USH2A: variants seen among roughly 807,000 people sequenced by gnomAD.
USH2A encodes the protein Usher syndrome 2A (autosomal recessive, mild).
Under a neutral mutation model 538.9 loss-of-function variants are expected in USH2A, and 443 were observed. The ratio of observed to expected loss-of-function variants is 0.82; its 90% CI spans 0.76 to 0.89. USH2A has a LOEUF of 0.89. Ranked by LOEUF, USH2A falls within the 40% of genes least tolerant of loss-of-function variation. The pLI, the probability that USH2A is intolerant of heterozygous loss-of-function variation, is 0.00. For synonymous variants in USH2A, 2,413 were observed against 2,273.5 expected, an observed-to-expected ratio of 1.06 and a Z score of -1.75; for missense variants, 6,633 against 6,324.8, an observed-to-expected ratio of 1.05 and a Z score of -1.65.
At position 215,756,943 on chromosome 1, in the gene USH2A, T is replaced by C. The variant is rs112945244; in HGVS notation, c.11389+1652A>G. Among the ~76,000 whole-genome samples the C allele has an allele frequency of 3.9e-3, 553 of 142,438 alleles. 5 individuals carry two copies. Among genetic ancestry groups the C allele is most frequent in the African/African-American group, 0.016 (527 of 33,082 alleles). 93.4% of individuals were successfully genotyped at this position (142,438 alleles called of 152,430 possible). Reference sequence around the variant, plus strand: ...ATAAACAAACAAACAAACAAACAAATAAATAAATAAATAAATAAATAAAAT... The same window carrying C: ...ATAAACAAACAAACAAACAAACAAACAAATAAATAAATAAATAAATAAAAT... On this transcript the variant is annotated intron_variant, in intron 58 of 71. Transcript: ENST00000307340.
intron 62 of USH2A, among the ~76,000 whole-genome samples, chr1:215,678,897 A>G (rs1558050576): frequency 6.6e-6 from 1 of 152,256 alleles, no homozygotes; most frequent in African/African-American, 2.4e-5. Flanking sequence ...ATTGTCAATT[A>G]TGCCACCAAG....
intron 4 of USH2A, among the ~76,000 whole-genome samples, chr1:216,349,907 T>G (rs2038247158): frequency 6.6e-6 from 1 of 152,168 alleles, no homozygotes; most frequent in South Asian, 2.1e-4. Context: ...ATTCTTGCTT[T>G]GCTATAAAGA....
At chr1:215,629,057 GT>G in intron 70 of USH2A, 22 bp from the exon 71 acceptor site, 3 of 1,603,108 alleles carry the variant, frequency 1.9e-6, no homozygotes, top group Non-Finnish European at 1.7e-6. Context: ...GTTGCTGTGA[GT>G]ATTTCACATA....
chr1:215,936,791 A>ATTCATTGAATT (rs1361852018), intron 37 of USH2A, among the ~76,000 whole-genome samples: 1 of 152,054 alleles, frequency 6.6e-6, no homozygotes, highest in Non-Finnish European at 1.5e-5. Context: ...TCAATGAATA[A>ATTCATTGAATT]AGCAGCACTA....
chr1:215,941,210 AAT>A (rs1433526219), intron 37 of USH2A, among the ~76,000 whole-genome samples: 8 of 152,106 alleles, frequency 5.3e-5, no homozygotes, highest in African/African-American at 1.9e-4. Flanking sequence ...CTGCTCTAAA[AAT>A]AGTTATAAAA....
At chr1:215,989,682 T>C (rs1248420556) in intron 35 of USH2A, among the ~76,000 whole-genome samples, 1 of 151,560 alleles carries the variant, frequency 6.6e-6, no homozygotes, top group East Asian at 1.9e-4. Context: ...GTGAGCAAGG[T>C]TTAAGGTGAA....
intron 3 of USH2A, among the ~76,000 whole-genome samples, chr1:216,380,725 G>A (rs948519387): frequency 6.6e-6 from 1 of 152,050 alleles, no homozygotes; most frequent in African/African-American, 2.4e-5. Context: ...ACTAATCATG[G>A]AAAAGATAAT....
chr1:216,360,388 G>T (rs926847538), intron 4 of USH2A, among the ~76,000 whole-genome samples: 3 of 152,060 alleles, frequency 2.0e-5, no homozygotes, highest in Admixed American at 2.0e-4. Flanking sequence ...ATCAGTGATT[G>T]CTAGGGGTTA....
At chr1:216,346,767 T>C (rs1012287143) in intron 4 of USH2A, among the ~76,000 whole-genome samples, 1 of 151,638 alleles carries the variant, frequency 6.6e-6, no homozygotes, top group Admixed American at 6.6e-5. Context: ...ATTTCACGCA[T>C]TCTTGGCTCT....
chr1:215,986,832 C>T (rs923939242), intron 35 of USH2A, among the ~76,000 whole-genome samples: 2 of 152,198 alleles, frequency 1.3e-5, no homozygotes, highest in Admixed American at 6.5e-5. Flanking sequence ...TTAATTCATT[C>T]GACAGCTTTA....
intron 9 of USH2A, among the ~76,000 whole-genome samples, chr1:216,315,679 C>A (rs2037493628): frequency 6.6e-6 from 1 of 152,058 alleles, no homozygotes; most frequent in South Asian, 2.1e-4. Context: ...GTAGAGTACA[C>A]AAATTGTCTT....
intron 49 of USH2A, among the ~76,000 whole-genome samples, chr1:215,803,390 T>C (rs1211794260): frequency 2.0e-5 from 3 of 152,168 alleles, no homozygotes; most frequent in Non-Finnish European, 4.4e-5. Context: ...AACCCCATCA[T>C]CTCAGCCCAA....
At chr1:216,339,598 T>A (rs1382109053) in intron 4 of USH2A, among the ~76,000 whole-genome samples, 1 of 151,792 alleles carries the variant, frequency 6.6e-6, no homozygotes. Flanking sequence ...TAGTAAACAC[T>A]CCTCAGCAAA....
intron 21 of USH2A, among the ~76,000 whole-genome samples, chr1:216,125,480 C>A (rs2033233827): frequency 6.6e-6 from 1 of 152,104 alleles, no homozygotes; most frequent in African/African-American, 2.4e-5. Flanking sequence ...CTCTAAAGAG[C>A]AAAATGAAGG....
intron 49 of USH2A, among the ~76,000 whole-genome samples, chr1:215,803,773 G>GA (rs1172414769): frequency 6.6e-6 from 1 of 151,946 alleles, no homozygotes; most frequent in Non-Finnish European, 1.5e-5. Context: ...CACAGAATTG[G>GA]AAAAAACTAC....
chr1:215,963,147 A>G (rs1291831556), intron 37 of USH2A, among the ~76,000 whole-genome samples: 2 of 152,176 alleles, frequency 1.3e-5, no homozygotes, highest in Non-Finnish European at 1.5e-5. Flanking sequence ...ATTAGCCATT[A>G]GACAATTCAA....
chr1:216,386,422 C>T (rs2039006490), intron 3 of USH2A, among the ~76,000 whole-genome samples: 1 of 150,150 alleles, frequency 6.7e-6, no homozygotes, highest in Non-Finnish European at 1.5e-5. Flanking sequence ...GGAGGCAGAG[C>T]TTGCAGTGAG....
intron 44 of USH2A, among the ~76,000 whole-genome samples, chr1:215,864,058 G>T (rs80285854): frequency 6.6e-6 from 1 of 152,254 alleles, no homozygotes; most frequent in Admixed American, 6.5e-5. Context: ...TAGTGAATCA[G>T]CTTCAAAGGA....
chr1:216,103,687 A>T (rs746384570), intron 21 of USH2A, among the ~76,000 whole-genome samples: 90 of 150,740 alleles, frequency 6.0e-4, no homozygotes, highest in Middle Eastern at 3.4e-3. Flanking sequence ...TAGAATACAT[A>T]AAAAAATCCT....
Sources: allele counts gnomAD v4.1 joint callset (sites outside exome capture counted in the v4.1 genomes callset), GRCh38; gene constraint gnomAD v4.1.1; transcripts MANE v1.5; gene names NCBI Gene and HGNC (gene_info 2026-07-23, HGNC 2026-07-21).